Variants in TASOR2 observed in about 807,000 individuals in gnomAD.
TASOR2 encodes transcription activation suppressor family member 2.
TASOR2 carries 84 observed loss-of-function variants against 199.5 expected under a neutral mutation model. That is an observed-to-expected ratio of 0.42 (90% CI 0.35 to 0.50). TASOR2 has a LOEUF of 0.50. Ranked by LOEUF, TASOR2 falls within the 20% of genes least tolerant of loss-of-function variation. TASOR2 has a pLI of 0.02. For synonymous variants in TASOR2, 1,103 were observed against 1,046.6 expected (o/e 1.05, Z -1.04); for missense variants, 2,796 against 2,835.9 (o/e 0.99, Z 0.32).
At chr10:5,755,731 T>C (rs1459170964) in intron 15 of TASOR2, among the ~76,000 whole-genome samples, 1 of 152,094 alleles carries the variant, frequency 6.6e-6, no homozygotes, top group Non-Finnish European at 1.5e-5. Flanking sequence ...ATGCCCGGAA[T>C]CCTAGTACTT....
chr10:5,721,325 A>G (rs1451611056), intron 6 of TASOR2, among the ~76,000 whole-genome samples: 2 of 152,218 alleles, frequency 1.3e-5, no homozygotes, highest in East Asian at 3.8e-4. Flanking sequence ...AAATTTTAAC[A>G]TGATTTTCTT....
chr10:5,727,374 A>C (rs992924569), intron 10 of TASOR2, among the ~76,000 whole-genome samples: 3 of 152,220 alleles, frequency 2.0e-5, no homozygotes, highest in African/African-American at 4.8e-5. Flanking sequence ...TAAATTCAGC[A>C]TGTCTAAAAC....
intron 18 of TASOR2, among the ~76,000 whole-genome samples, chr10:5,759,546 A>G (rs1355453872): frequency 2.0e-5 from 3 of 152,254 alleles, no homozygotes; most frequent in Non-Finnish European, 4.4e-5. Context: ...AGACCTGACA[A>G]GCCCTTGTGA....
exon 15 of TASOR2, chr10:5,747,864 A>C: frequency 2.5e-6 from 4 of 1,613,808 alleles, no homozygotes; most frequent in Non-Finnish European, 3.4e-6. Context: ...AAATGCCTCT[A>C]ATATTAACTG....
At chr10:5,749,458 A>G in exon 15 of TASOR2, 1 of 1,614,100 alleles carries the variant, frequency 6.2e-7, no homozygotes, top group South Asian at 1.1e-5. Context: ...ACCAACCCAG[A>G]TCTCCATTGG....
chr10:5,753,042 G>A (rs772665089), intron 15 of TASOR2, among the ~76,000 whole-genome samples: 3 of 152,088 alleles, frequency 2.0e-5, no homozygotes, highest in Admixed American at 6.5e-5. Flanking sequence ...AGCAGGCGGA[G>A]TAGGGAAGGA....
intron 6 of TASOR2, among the ~76,000 whole-genome samples, chr10:5,721,278 G>A (rs1316733843): frequency 1.3e-5 from 2 of 152,016 alleles, no homozygotes; most frequent in South Asian, 2.1e-4. Context: ...CCACTTAATC[G>A]TATTATTTTT....
Position 5,740,549 on chromosome 10 carries a change from G to A in TASOR2, c.2327+52G>A. On this transcript the variant is annotated intron_variant, in intron 13 of 20. Transcript: ENST00000328090. This position sits in a 1 kb window ranked among gnomAD's most constrained non-coding sequence, Gnocchi z 5.3. ...ATGGATGAAACTTTTCTGTTGAGATGAATGTAGTGAGATGGGGAAACTTAT... is the reference window on the plus strand; with the variant it reads ...ATGGATGAAACTTTTCTGTTGAGATAAATGTAGTGAGATGGGGAAACTTAT... The A allele has an allele frequency of 6.4e-7, 1 of 1,553,932 alleles. No homozygotes were observed. Among genetic ancestry groups the A allele is most frequent in the Non-Finnish European group, 8.7e-7 (1 of 1,150,204 alleles).
chr10:5,756,777 C>A (rs1322371221), intron 16 of TASOR2, 39 bp downstream of exon 17: 2 of 1,598,844 alleles, frequency 1.3e-6, no homozygotes, highest in Non-Finnish European at 1.7e-6. Flanking sequence ...GTATTCCAGG[C>A]ACATAAGTTG....
intron 10 of TASOR2, among the ~76,000 whole-genome samples, chr10:5,728,892 G>A (rs1834410530): frequency 6.6e-6 from 1 of 151,882 alleles, no homozygotes; most frequent in Non-Finnish European, 1.5e-5. Context: ...TCTGGCTCCT[G>A]TAAGATTTCT....
chr10:5,757,634 G>T, exon 17 of TASOR2: 1 of 1,613,934 alleles, frequency 6.2e-7, no homozygotes, highest in Admixed American at 1.7e-5. Context: ...AGGAGGCTTT[G>T]TGATATCAGA....
At chr10:5,760,441 T>G (rs1213318291) in intron 18 of TASOR2, among the ~76,000 whole-genome samples, 3 of 152,226 alleles carry the variant, frequency 2.0e-5, no homozygotes, top group Non-Finnish European at 4.4e-5. Flanking sequence ...TTTGACCTTT[T>G]GTGGAATTTA....
At chr10:5,758,856 ATCT>A (rs1268927715) in intron 17 of TASOR2, 28 bp from the exon 19 acceptor site, 7 of 1,529,788 alleles carry the variant, frequency 4.6e-6, no homozygotes, top group Non-Finnish European at 6.3e-6. Flanking sequence ...TAAACTTGTC[ATCT>A]TCTTTTGCTA....
intron 8 of TASOR2, among the ~76,000 whole-genome samples, chr10:5,726,202 T>C (rs1198185632): frequency 6.6e-6 from 1 of 152,184 alleles, no homozygotes; most frequent in Non-Finnish European, 1.5e-5. Flanking sequence ...ATTCATGATT[T>C]AGAACAACAG....
intron 18 of TASOR2, among the ~76,000 whole-genome samples, chr10:5,760,110 C>T (rs1197407515): frequency 2.0e-5 from 3 of 152,158 alleles, no homozygotes; most frequent in Non-Finnish European, 4.4e-5. Flanking sequence ...ATAGAGTGTA[C>T]TTACACAAAC....
At chr10:5,757,523 C>T in exon 17 of TASOR2, 1 of 1,599,026 alleles carries the variant, frequency 6.3e-7, no homozygotes, top group African/African-American at 1.4e-5. Flanking sequence ...CATGCAGATT[C>T]CTTCTTTGCT....
intron 2 of TASOR2, 95 bp downstream of exon 2, chr10:5,713,013 C>G (rs1438577169): frequency 1.6e-6 from 1 of 620,540 alleles, no homozygotes; most frequent in Non-Finnish European, 2.3e-6. Context: ...ACCAATTCAT[C>G]AGTGTTTTTT....
At chr10:5,708,655 C>G (rs1401020511) in intron 1 of TASOR2, among the ~76,000 whole-genome samples, 1 of 102,014 alleles carries the variant, frequency 9.8e-6, no homozygotes. Flanking sequence ...TTCCTTCCTT[C>G]CTTTCCTTCC....
At chr10:5,736,344 G>C (rs1012918629) in intron 12 of TASOR2, among the ~76,000 whole-genome samples, 1 of 152,086 alleles carries the variant, frequency 6.6e-6, no homozygotes, top group Non-Finnish European at 1.5e-5. Flanking sequence ...CTTGAACCTG[G>C]GGGGCAGAGG....
Sources: allele counts gnomAD v4.1 joint callset (sites outside exome capture counted in the v4.1 genomes callset), GRCh38; gene constraint gnomAD v4.1.1; non-coding constraint Gnocchi (gnomAD v3.1); transcripts MANE v1.5; gene names NCBI Gene and HGNC (gene_info 2026-07-23, HGNC 2026-07-21).